MYT1L: variants seen among roughly 807,000 people sequenced by gnomAD.
MYT1L encodes myelin transcription factor 1 like.
In MYT1L, 12 loss-of-function variants were observed where a neutral mutation model predicts 126.7. That is an observed-to-expected ratio of 0.09 (90% CI 0.06 to 0.15). The LOEUF is 0.15. MYT1L is among the 10% of genes least tolerant of loss of function. The pLI, the probability that MYT1L is intolerant of heterozygous loss-of-function variation, is 1.00. For missense variants in MYT1L, 979 were observed against 1,585.2 expected, an observed-to-expected ratio of 0.62 and a Z score of 6.49; for synonymous variants, 541 against 604.2, an observed-to-expected ratio of 0.90 and a Z score of 1.53.
intron 9 of MYT1L, among the ~76,000 whole-genome samples, chr2:1,935,840 C>T (rs1269968452): frequency 6.6e-6 from 1 of 152,166 alleles, no homozygotes; most frequent in Non-Finnish European, 1.5e-5. Flanking sequence ...GAAACATATT[C>T]GACCCCACTA....
At chr2:1,844,566 G>A (rs555765088) in intron 19 of MYT1L, among the ~76,000 whole-genome samples, 19 of 152,296 alleles carry the variant, frequency 1.2e-4, no homozygotes, top group Admixed American at 6.5e-4. Flanking sequence ...AGGAAGAGGC[G>A]ATGCTATGTA....
At chr2:2,158,323 G>C (rs113947236) in intron 3 of MYT1L, among the ~76,000 whole-genome samples, 15 of 152,282 alleles carry the variant, frequency 9.9e-5, no homozygotes, top group African/African-American at 3.4e-4. Context: ...AATCTGCAAG[G>C]AAAGGTTTGG....
intron 2 of MYT1L, among the ~76,000 whole-genome samples, chr2:2,192,925 A>G (rs1320828051): frequency 1.3e-5 from 2 of 152,172 alleles, no homozygotes; most frequent in Non-Finnish European, 2.9e-5. Context: ...CAGAACTACC[A>G]GTTCCATACT....
chr2:2,192,825 G>T (rs1243515703), intron 2 of MYT1L, among the ~76,000 whole-genome samples: 1 of 152,138 alleles, frequency 6.6e-6, no homozygotes, highest in African/African-American at 2.4e-5. Flanking sequence ...GGGGAGGAGG[G>T]TGCAGTTGGC....
intron 3 of MYT1L, among the ~76,000 whole-genome samples, chr2:2,088,342 G>C (rs532893411): frequency 7.5e-4 from 114 of 152,338 alleles, no homozygotes; most frequent in Non-Finnish European, 1.4e-3. Flanking sequence ...GTCACACACA[G>C]AACCAGAAGC....
chr2:2,082,731 C>G (rs923216417), intron 3 of MYT1L, among the ~76,000 whole-genome samples: 3 of 152,100 alleles, frequency 2.0e-5, no homozygotes, highest in Admixed American at 2.0e-4. Flanking sequence ...ATAAACCCTT[C>G]GGAAAACAAG....
intron 4 of MYT1L, among the ~76,000 whole-genome samples, chr2:2,029,552 T>C (rs921953283): frequency 2.0e-5 from 3 of 152,132 alleles, no homozygotes; most frequent in African/African-American, 7.2e-5. Flanking sequence ...CCTTGACACT[T>C]GCAGGTTGTT....
chr2:2,290,186 G>A (rs1239375612), intron 1 of MYT1L, among the ~76,000 whole-genome samples: 1 of 152,174 alleles, frequency 6.6e-6, no homozygotes, highest in Non-Finnish European at 1.5e-5. Flanking sequence ...ACCTTGTCTT[G>A]GAACTGTGCT....
chr2:1,958,783 T>C (rs914983413), intron 8 of MYT1L, among the ~76,000 whole-genome samples: 2 of 150,170 alleles, frequency 1.3e-5, no homozygotes, highest in Non-Finnish European at 3.0e-5. Context: ...TCTAGGATTC[T>C]CTGGCCCAAC....
At chr2:1,913,659 C>G (rs977596321) in intron 11 of MYT1L, among the ~76,000 whole-genome samples, 1 of 152,174 alleles carries the variant, frequency 6.6e-6, no homozygotes, top group Non-Finnish European at 1.5e-5. Flanking sequence ...CTGCACCTTT[C>G]CTTTCCTTTT....
intron 4 of MYT1L, among the ~76,000 whole-genome samples, chr2:2,042,445 C>T (rs974509760): frequency 6.6e-6 from 1 of 152,106 alleles, no homozygotes; most frequent in Non-Finnish European, 1.5e-5. Context: ...TTTATTAATC[C>T]TAAGCAATTA....
At chr2:2,174,680 A>G (rs1481695559) in intron 2 of MYT1L, among the ~76,000 whole-genome samples, 3 of 152,052 alleles carry the variant, frequency 2.0e-5, no homozygotes, top group Non-Finnish European at 2.9e-5. Context: ...CCTCAATCAG[A>G]TTATACTAAG....
At position 1,917,655 on chromosome 2, in the gene MYT1L, G is replaced by A. The variant is rs1172417937; in HGVS notation, c.1484-316C>T. ...AGCTGTGTTGCTCAAAGGAATCAAC[G>A]TAAATCGTGATGAGACAGTGACCTT... is the stretch of plus-strand genomic sequence containing the variant. On this transcript the variant is annotated intron_variant, in intron 10 of 24. Coordinates refer to ENST00000647738, the MANE Select transcript of MYT1L (RefSeq NM_001303052.2). This position sits in a 1 kb window ranked among gnomAD's most constrained non-coding sequence, Gnocchi z 5.9. Among the ~76,000 whole-genome samples the A allele has an allele frequency of 2.6e-5, 4 of 152,172 alleles. No individual in the cohort carries two copies. The highest frequency in any genetic ancestry group is 5.9e-5 in the Non-Finnish European group (4 of 68,038).
intron 21 of MYT1L, chr2:1,828,501 G>C (rs3924017): frequency 0.44 from 67,681 of 152,112 alleles, 17,080 homozygotes; most frequent in African/African-American, 0.69. Flanking sequence ...AAAAACAACC[G>C]TATGAAAGTG....
At chr2:2,019,428 A>G (rs747906679) in intron 4 of MYT1L, among the ~76,000 whole-genome samples, 4 of 152,192 alleles carry the variant, frequency 2.6e-5, no homozygotes, top group Non-Finnish European at 5.9e-5. Context: ...AGTCTTCGGT[A>G]TGTCTTTATT....
Position 1,887,777 on chromosome 2 carries a change from C to G in MYT1L, c.2521-168G>C, listed in dbSNP as rs1429916205. On this transcript the variant is annotated intron_variant, in intron 16 of 24. Transcript: ENST00000647738. The surrounding 1 kb of genome is among the most constrained non-coding windows in gnomAD (Gnocchi z 4.8). ...GCCCCTACTGAAAATGCATATTGAA[C>G]TTTTCTTCCACTGCTCTAAACTCCT... Among the ~76,000 whole-genome samples the G allele has an allele frequency of 1.3e-5, 2 of 152,180 alleles. No homozygotes were observed. The highest frequency in any genetic ancestry group is 2.9e-5 in the Non-Finnish European group (2 of 68,048).
intron 5 of MYT1L, among the ~76,000 whole-genome samples, chr2:1,986,316 G>T (rs1031209874): frequency 2.0e-5 from 3 of 152,178 alleles, no homozygotes; most frequent in Non-Finnish European, 4.4e-5. Context: ...CCACGTCAAT[G>T]GAATGCTGGT....
chr2:1,869,214 C>T (rs1438980776), intron 18 of MYT1L, among the ~76,000 whole-genome samples: 2 of 147,390 alleles, frequency 1.4e-5, no homozygotes, highest in South Asian at 2.1e-4. Flanking sequence ...CGGACTTATC[C>T]TCTTTTCCAC....
At chr2:2,167,856 C>G (rs1401458429) in intron 3 of MYT1L, among the ~76,000 whole-genome samples, 1 of 152,176 alleles carries the variant, frequency 6.6e-6, no homozygotes, top group African/African-American at 2.4e-5. Flanking sequence ...TCAACAAGAA[C>G]AGCTTTTCTG....
Sources: allele counts gnomAD v4.1 joint callset (sites outside exome capture counted in the v4.1 genomes callset), GRCh38; gene constraint gnomAD v4.1.1; non-coding constraint Gnocchi (gnomAD v3.1); transcripts MANE v1.5; gene names NCBI Gene and HGNC (gene_info 2026-07-23, HGNC 2026-07-21).